KHDRBS2: variants seen among roughly 807,000 people sequenced by gnomAD.
KHDRBS2 encodes the protein KH RNA binding domain containing, signal transduction associated 2, also known as KH domain-containing, RNA-binding, signal transduction-associated protein 2.
KHDRBS2 carries 26 observed loss-of-function variants against 44.3 expected under a neutral mutation model. The observed-to-expected ratio is 0.59, with a 90% CI of 0.43 to 0.81. The LOEUF (loss-of-function observed/expected upper bound fraction) is 0.81, where lower values mean the gene tolerates loss of function less well. KHDRBS2 is among the 40% of genes least tolerant of loss of function. The pLI is 0.00. For synonymous variants in KHDRBS2, 194 were observed against 151.1 expected (o/e 1.28, Z -2.08); for missense variants, 476 against 433.1 (o/e 1.10, Z -0.88).
At chr6:62,037,808 T>C (rs1047240782) in intron 3 of KHDRBS2, among the ~76,000 whole-genome samples, 16 of 152,032 alleles carry the variant, frequency 1.1e-4, no homozygotes, top group Admixed American at 2.6e-4. Flanking sequence ...CAGATTACTG[T>C]CCATCTCAAA....
the KHDRBS2 span, among the ~76,000 whole-genome samples, chr6:61,665,215 G>T: frequency 6.6e-6 from 1 of 151,402 alleles, no homozygotes; most frequent in Non-Finnish European, 1.5e-5. Flanking sequence ...TAAAATAGAA[G>T]AAAATATTTT....
At chr6:62,121,307 T>C (rs1276628834) in intron 2 of KHDRBS2, among the ~76,000 whole-genome samples, 2 of 152,132 alleles carry the variant, frequency 1.3e-5, no homozygotes, top group South Asian at 2.1e-4. Flanking sequence ...CCTGGAGCGA[T>C]TGCAAAGATT....
intron 3 of KHDRBS2, among the ~76,000 whole-genome samples, chr6:62,037,368 A>C (rs1785500034): frequency 6.6e-6 from 1 of 151,854 alleles, no homozygotes; most frequent in Non-Finnish European, 1.5e-5. Flanking sequence ...GAAAACAAAA[A>C]TCTCTCACAC....
chr6:62,145,927 G>C (rs1813840381), intron 2 of KHDRBS2, among the ~76,000 whole-genome samples: 1 of 151,664 alleles, frequency 6.6e-6, no homozygotes, highest in Non-Finnish European at 1.5e-5. Context: ...AATGAATTTT[G>C]TGATTAGACT....
chr6:62,045,194 G>A (rs1584337888), intron 3 of KHDRBS2, among the ~76,000 whole-genome samples: 1 of 152,014 alleles, frequency 6.6e-6, no homozygotes, highest in Non-Finnish European at 1.5e-5. Context: ...CAGTGATTGC[G>A]AATTACTTTC....
At chr6:61,938,862 C>A (rs536858433) in intron 4 of KHDRBS2, among the ~76,000 whole-genome samples, 15 of 151,922 alleles carry the variant, frequency 9.9e-5, no homozygotes, top group Non-Finnish European at 2.2e-4. Context: ...GCTGGCAGTG[C>A]AAATATAAAG....
chr6:62,133,222 G>C (rs1248863322), intron 2 of KHDRBS2, among the ~76,000 whole-genome samples: 1 of 152,126 alleles, frequency 6.6e-6, no homozygotes, highest in Non-Finnish European at 1.5e-5. Context: ...ATCTCATCTT[G>C]AATTGTAGCT....
intron 7 of KHDRBS2, among the ~76,000 whole-genome samples, chr6:61,716,831 C>A (rs1197536702): frequency 6.6e-6 from 1 of 152,040 alleles, no homozygotes; most frequent in African/African-American, 2.4e-5. Context: ...TAATGCTGGG[C>A]TTTTTGCAAC....
rs572600990 is a variant in KHDRBS2 at position 61,774,746 on chromosome 6, A to C, written c.811-41982T>G. 1.7e-4 allele frequency among the ~76,000 whole-genome samples: 26 copies of C among 152,300 alleles called. 1 individual carries two copies. The South Asian group carries it at 5.4e-3, about 32-fold the overall frequency. On this transcript the variant is annotated intron_variant, in intron 6 of 8. Coordinates refer to ENST00000281156, the MANE Select transcript of KHDRBS2 (RefSeq NM_152688.4). The stretch of plus-strand genomic sequence containing the variant: ...AGCTGGTAGCATTCCTTCTGAAACT[A>C]TTCCAATCAATAGAAAAAGAGGGAA...
intron 2 of KHDRBS2, among the ~76,000 whole-genome samples, chr6:62,090,177 C>T (rs1304331861): frequency 7.2e-5 from 11 of 152,116 alleles, no homozygotes; most frequent in African/African-American, 2.4e-4. Flanking sequence ...TAATCTGAGG[C>T]TTGAGTGGGT....
Position 62,184,958 on chromosome 6 carries a change from G to T in KHDRBS2, c.92-7646C>A, listed in dbSNP as rs544436175. On this transcript the variant is annotated intron_variant, in intron 1 of 8. Transcript: ENST00000281156. The stretch of plus-strand genomic sequence containing the variant: ...CCACACTAATGCAAAATTTCTTTGA[G>T]CTCCCTTTGCGGTTTTTGGAGTTAA... Among the ~76,000 whole-genome samples the T allele has an allele frequency of 4.6e-5, 7 of 151,918 alleles. No homozygotes were observed. In the South Asian group the frequency reaches 1.5e-3, roughly 32 times the overall value.
chr6:62,163,836 G>A (rs758254534), intron 2 of KHDRBS2, among the ~76,000 whole-genome samples: 2 of 151,860 alleles, frequency 1.3e-5, no homozygotes, highest in Non-Finnish European at 2.9e-5. Flanking sequence ...GAAAATAGCA[G>A]TTCATTCTGC....
chr6:62,143,301 T>C (rs983689572), intron 2 of KHDRBS2, among the ~76,000 whole-genome samples: 9 of 152,024 alleles, frequency 5.9e-5, no homozygotes, highest in Admixed American at 5.9e-4. Context: ...CATTAATGAT[T>C]ACACATATTT....
intron 6 of KHDRBS2, among the ~76,000 whole-genome samples, chr6:61,846,350 A>T (rs1794402027): frequency 6.6e-6 from 1 of 152,230 alleles, no homozygotes. Context: ...ATAATAGAAA[A>T]TCTAACCACA....
At chr6:62,032,297 G>T (rs977246003) in intron 3 of KHDRBS2, among the ~76,000 whole-genome samples, 2 of 152,018 alleles carry the variant, frequency 1.3e-5, no homozygotes, top group African/African-American at 4.8e-5. Flanking sequence ...CTAATCAGCT[G>T]CCAGCGCAGC....
intron 1 of KHDRBS2, among the ~76,000 whole-genome samples, chr6:62,212,746 G>C (rs1829292017): frequency 6.6e-6 from 1 of 152,156 alleles, no homozygotes; most frequent in African/African-American, 2.4e-5. Flanking sequence ...CCTTCAGAGA[G>C]AGCATAGCCC....
chr6:61,613,102 T>G, the KHDRBS2 span, among the ~76,000 whole-genome samples: 1 of 152,294 alleles, frequency 6.6e-6, no homozygotes, highest in South Asian at 2.1e-4. Flanking sequence ...TCCTCCCGCC[T>G]TGGCCTCCCA....
chr6:62,162,728 T>C (rs752710096), intron 2 of KHDRBS2, among the ~76,000 whole-genome samples: 24 of 152,046 alleles, frequency 1.6e-4, no homozygotes, highest in Non-Finnish European at 3.5e-4. Flanking sequence ...TACTTCATCA[T>C]CCTCCCACAG....
the KHDRBS2 span, among the ~76,000 whole-genome samples, chr6:61,642,868 C>A: frequency 6.6e-6 from 1 of 151,952 alleles, no homozygotes; most frequent in Non-Finnish European, 1.5e-5. Context: ...GTCTAAATTC[C>A]TACTTGTCCC....
Sources: allele counts gnomAD v4.1 joint callset (sites outside exome capture counted in the v4.1 genomes callset), GRCh38; gene constraint gnomAD v4.1.1; transcripts MANE v1.5; gene names NCBI Gene and HGNC (gene_info 2026-07-23, HGNC 2026-07-21).